AIMP2: variants seen among roughly 807,000 people sequenced by gnomAD.
The protein encoded by AIMP2 is aminoacyl tRNA synthetase complex interacting multifunctional protein 2.
A neutral mutation model predicts 23.4 loss-of-function variants in AIMP2; 20 were observed. That is an observed-to-expected ratio of 0.85 (90% CI 0.60 to 1.24). AIMP2 has a LOEUF of 1.24. AIMP2 is among the 50% of genes most tolerant of loss of function. The pLI, the probability that AIMP2 is intolerant of heterozygous loss-of-function variation, is 0.00. For missense variants in AIMP2, 515 were observed against 414.5 expected (o/e 1.24, Z -2.10); for synonymous variants, 210 against 170.4 (o/e 1.23, Z -1.81).
chr7:6,021,087 C>G (rs1349608627), intron 3 of AIMP2, among the ~76,000 whole-genome samples: 1 of 152,068 alleles, frequency 6.6e-6, no homozygotes, highest in Admixed American at 6.6e-5. Flanking sequence ...ATGCTGCAGG[C>G]ACTCAGAGCC....
intron 1 of AIMP2, among the ~76,000 whole-genome samples, chr7:6,013,641 A>G (rs748443088): frequency 1.3e-5 from 2 of 152,130 alleles, no homozygotes; most frequent in Non-Finnish European, 2.9e-5. Context: ...GCGAGGTGGA[A>G]TAGGCTAGGT....
chr7:6,012,459 T>TA (rs1418182634), intron 1 of AIMP2, among the ~76,000 whole-genome samples: 1 of 152,146 alleles, frequency 6.6e-6, no homozygotes, highest in Non-Finnish European at 1.5e-5. Context: ...ATTTTGTTAT[T>TA]ACTCAGATCA....
intron 3 of AIMP2, among the ~76,000 whole-genome samples, chr7:6,018,949 G>C (rs769912506): frequency 8.1e-5 from 11 of 136,024 alleles, no homozygotes; most frequent in Admixed American, 3.0e-4. Context: ...ATTTTAAAAA[G>C]TTAAAATGTA....
At position 6,017,941 on chromosome 7, in the gene AIMP2, C is replaced by T. The variant is rs1562728093; in HGVS notation, c.470C>T (p.Ser157Leu). Residue 157 changes from serine to leucine, a missense_variant, in exon 3 of 4, where the codon TCG becomes TTG. By Grantham distance (145) the Ser-to-Leu change is moderately radical. Transcript: ENST00000223029. ...CTGTCCACGGTGCACACGCACTCCT[C>T]GGTCAAGAGCGTGCCTGAAAACCTT... Reference protein sequence around the residue: ...RVLSTVHTHSSVKSVPENLLK... With the variant: ...RVLSTVHTHSLVKSVPENLLK... The T allele has an allele frequency of 3.7e-6, 6 of 1,613,942 alleles. No homozygotes were observed. The highest frequency in any genetic ancestry group is 1.1e-5 in the South Asian group (1 of 91,076).
At chr7:6,014,977 C>T (rs112928566) in intron 1 of AIMP2, 169 bp from the exon 2 acceptor site, 17,276 of 1,425,544 alleles carry the variant, frequency 0.012, 142 homozygotes, top group Non-Finnish European at 0.013. Flanking sequence ...ACCTGGACCT[C>T]CCGAAGTGCT....
chr7:6,012,394 G>C (rs1287843168), intron 1 of AIMP2, among the ~76,000 whole-genome samples: 1 of 152,058 alleles, frequency 6.6e-6, no homozygotes, highest in Non-Finnish European at 1.5e-5. Context: ...GTCTCAGCAA[G>C]GAAAACAACA....
At chr7:6,013,878 G>A (rs1336726072) in intron 1 of AIMP2, among the ~76,000 whole-genome samples, 1 of 151,764 alleles carries the variant, frequency 6.6e-6, no homozygotes, top group Non-Finnish European at 1.5e-5. Flanking sequence ...TTGAGCCCAG[G>A]AAGTCAAGGC....
intron 1 of AIMP2, among the ~76,000 whole-genome samples, chr7:6,011,915 C>T (rs1356654385): frequency 6.6e-6 from 1 of 152,202 alleles, no homozygotes; most frequent in Non-Finnish European, 1.5e-5. Flanking sequence ...ACTCTTCTAG[C>T]AGTTTCTCTA....
In AIMP2 at chr7:6,015,281, A is replaced by G. The variant is rs775979886; in HGVS notation, c.271A>G (p.Asn91Asp). The G allele has an allele frequency of 3.6e-5, 58 of 1,614,100 alleles. No homozygotes were observed. Among genetic ancestry groups the G allele is most frequent in the Non-Finnish European group, 4.2e-5 (49 of 1,180,052 alleles). ...ACCAGATGCAGACTTGGATGTAACCAACATAATCCAAGCGGATGAGCCCAC... is the reference window on the plus strand; with the variant it reads ...ACCAGATGCAGACTTGGATGTAACCGACATAATCCAAGCGGATGAGCCCAC... ...QTPDADLDVT[N>D]IIQADEPTTL... The change falls in exon 2 of 4, where the codon AAC becomes GAC. Residue 91 changes from asparagine (N) to aspartate (D), a missense_variant. Asn to Asp is a conservative substitution (Grantham distance 23). Transcript: ENST00000223029.
chr7:6,009,974 AAT>A (rs1183984035), intron 1 of AIMP2, among the ~76,000 whole-genome samples: 397 of 26,660 alleles, frequency 0.015, 29 homozygotes, highest in African/African-American at 0.051. Context: ...AAAAAAAAAA[AAT>A]ATATATATAT....
chr7:6,016,001 G>C (rs1787009568), intron 2 of AIMP2, among the ~76,000 whole-genome samples: 1 of 152,178 alleles, frequency 6.6e-6, no homozygotes, highest in Non-Finnish European at 1.5e-5. Context: ...ATCTCAGCTT[G>C]CTTGCTCAGT....
intron 1 of AIMP2, among the ~76,000 whole-genome samples, chr7:6,014,296 C>T (rs191886779): frequency 1.3e-4 from 15 of 115,506 alleles, no homozygotes; most frequent in Admixed American, 5.1e-4. Context: ...CTTGCTCTGT[C>T]GCCCAGGCTG....
chr7:6,009,974 A>AAAAAAATACATATATATATATAT, intron 1 of AIMP2, among the ~76,000 whole-genome samples: 1 of 26,662 alleles, frequency 3.8e-5, no homozygotes, highest in African/African-American at 1.4e-4. Context: ...AAAAAAAAAA[A>AAAAAAATACATATATATATATAT]ATATATATAT....
At chr7:6,009,974 A>AATATATACATATATATATATATATAT (rs1554310936) in intron 1 of AIMP2, among the ~76,000 whole-genome samples, 4 of 26,674 alleles carry the variant, frequency 1.5e-4, no homozygotes, top group Non-Finnish European at 2.7e-4. Context: ...AAAAAAAAAA[A>AATATATACATATATATATATATATAT]ATATATATAT....
chr7:6,013,877 G>T (rs1786852881), intron 1 of AIMP2, among the ~76,000 whole-genome samples: 2 of 151,952 alleles, frequency 1.3e-5, no homozygotes, highest in African/African-American at 4.8e-5. Flanking sequence ...CTTGAGCCCA[G>T]GAAGTCAAGG....
rs142458143 is a variant in AIMP2 at position 6,009,441 on chromosome 7, G to A, written c.78G>A (p.Arg26=). Residue 26 remains arginine (R), a synonymous_variant, in exon 1 of 4, where the codon CGG becomes CGA. Transcript: ENST00000223029. ...TGGAGCTTCCCACCTGCATGTACCG[G>A]CTCCCCAACGTGCACGGCAGGAGCT... ...LRVELPTCMY[R]LPNVHGRSYG... The A allele has an allele frequency of 6.2e-6, 10 of 1,610,700 alleles. No individual in the cohort carries two copies. The African/African-American group carries it at 1.1e-4, about 17-fold the overall frequency.
At chr7:6,012,251 TC>T (rs1786734813) in intron 1 of AIMP2, among the ~76,000 whole-genome samples, 1 of 123,098 alleles carries the variant, frequency 8.1e-6, no homozygotes, top group Non-Finnish European at 1.7e-5. Flanking sequence ...AAACCCTGTC[TC>T]AAAAAAAAAA....
rs1257101048 is a variant in AIMP2 at position 6,023,663 on chromosome 7, T to C, written c.935T>C (p.Phe312Ser). 1.2e-6 allele frequency: 2 copies of C among 1,614,006 alleles called. No homozygotes were observed. The highest frequency in any genetic ancestry group is 2.7e-5 in the African/African-American group (2 of 74,902). The change falls in exon 4 of 4, where the codon TTT becomes TCT. Residue 312 changes from phenylalanine (F) to serine (S), a missense_variant. Physicochemically the swap from Phe to Ser is radical, Grantham distance 155. Coordinates refer to ENST00000223029, the MANE Select transcript of AIMP2 (RefSeq NM_006303.4). ...AGGTCTTGTGAAAACCTGGCTCCTT[T>C]TAACACGGCCCTCAAGCTCCTTAAG... ...WMRSCENLAP[F>S]NTALKLLK
At position 6,023,307 on chromosome 7, in the gene AIMP2, G is replaced by T; in HGVS notation, c.579G>T (p.Pro193=). Residue 193 remains proline (P), a synonymous_variant, in exon 4 of 4, where the codon CCG becomes CCT. Transcript: ENST00000223029. ...LGFTLIWKNV[P]KTQMKFSIQT... ...TGGCGTGTTTTTTCTTTTCAGTGCC[G>T]AAGACGCAGATGAAATTCAGCATCC... 1 of 1,593,922 alleles carries T rather than the reference G, an allele frequency of 6.3e-7. No homozygotes were observed. Among genetic ancestry groups the T allele is most frequent in the Non-Finnish European group, 8.5e-7 (1 of 1,172,068 alleles).
Sources: allele counts gnomAD v4.1 joint callset (sites outside exome capture counted in the v4.1 genomes callset), GRCh38; gene constraint gnomAD v4.1.1; transcripts MANE v1.5; gene names NCBI Gene and HGNC (gene_info 2026-07-23, HGNC 2026-07-21).